TTN: variants seen among roughly 807,000 people sequenced by gnomAD.
TTN encodes titin, also known as connectin.
A neutral mutation model predicts 3,223.0 loss-of-function variants in TTN; 1,525 were observed. The observed-to-expected ratio is 0.47, with a 90% CI of 0.45 to 0.49. The LOEUF is 0.49. TTN is among the 20% of genes least tolerant of loss of function. The pLI is 0.00. For missense variants in TTN, 40,786 were observed against 43,424.0 expected, an observed-to-expected ratio of 0.94 and a Z score of 5.40; for synonymous variants, 14,094 against 15,161.0, an observed-to-expected ratio of 0.93 and a Z score of 5.17.
chr2:178,572,211 C>G lies in TTN; in HGVS notation c.73921G>C (p.Glu24641Gln). ...AGAATTCGGCTGCCTCCATCATGCT[C>G]TGGTTTCTCCCAAGAGAGTGACACA... Reference protein sequence around the residue: ...NSVSLSWEKPEHDGGSRILGY... With the variant: ...NSVSLSWEKPQHDGGSRILGY... Residue 24641 changes from glutamate to glutamine, a missense_variant, in exon 326 of 363, where the codon GAG (glutamate) becomes CAG (glutamine). Coordinates refer to ENST00000589042, the MANE Select transcript of TTN (RefSeq NM_001267550.2). The G allele has an allele frequency of 6.2e-6, 10 of 1,613,476 alleles. No homozygotes were observed. The highest frequency in any genetic ancestry group is 8.5e-6 in the Non-Finnish European group (10 of 1,179,624).
chr2:178,664,106 G>A lies in TTN; in HGVS notation c.36281-8C>T. ...CTTTGGGAGCTTCGTGCACTTGAAA[G>A]ATATTAGTATTTTTACACTCAGAAA... On this transcript the variant is annotated splice_polypyrimidine_tract_variant and splice_region_variant and intron_variant, in intron 168 of 362. Coordinates refer to ENST00000589042, the MANE Select transcript of TTN (RefSeq NM_001267550.2). 2 of 1,604,106 alleles carry A rather than the reference G, an allele frequency of 1.2e-6. No individual in the cohort carries two copies. Among genetic ancestry groups the A allele is most frequent in the Non-Finnish European group, 8.5e-7 (1 of 1,176,888 alleles).
Position 178,634,819 on chromosome 2 carries a change from G to A in TTN, c.42055C>T (p.Arg14019Cys), listed in dbSNP as rs763499817. 1.1e-5 allele frequency: 17 copies of A among 1,611,368 alleles called. No individual in the cohort carries two copies. Among genetic ancestry groups the A allele is most frequent in the South Asian group, 2.2e-5 (2 of 90,442 alleles). Reference protein sequence around the residue: ...TCEIKAEGGKRFLTLHKVKLD... With the variant: ...TCEIKAEGGKCFLTLHKVKLD... ...TTGACTTTGTGCAAAGTTAAGAAGCGTTTTCCACCTTCTGCTTTGATTTCA... is the reference window on the plus strand; with the variant it reads ...TTGACTTTGTGCAAAGTTAAGAAGCATTTTCCACCTTCTGCTTTGATTTCA... Residue 14019 changes from arginine to cysteine, a missense_variant, in exon 229 of 363, where the codon CGC becomes TGC. Arg to Cys is a radical substitution (Grantham distance 180, BLOSUM62 -3). Transcript: ENST00000589042. The surrounding 1 kb of genome is among the most constrained non-coding windows in gnomAD (Gnocchi z 4.6).
At chr2:178,650,101 A>T in intron 210 of TTN, 63 bp downstream of exon 210, 3 of 1,451,550 alleles carry the variant, frequency 2.1e-6, no homozygotes, top group Non-Finnish European at 1.9e-6. Flanking sequence ...GCCTTAAGGA[A>T]GATATATAGA....
At position 178,779,095 on chromosome 2, in the gene TTN, C is replaced by T. The variant is rs1554012145; in HGVS notation, c.3987G>A (p.Lys1329=). Residue 1329 remains lysine, a synonymous_variant, in exon 24 of 363, where the codon AAG becomes AAA. Transcript: ENST00000589042. ...LPKIAWYKDG[K]RIKHGERYQM... ...GGTATCTTTCTCCATGTTTGATGCG[C>T]TTGCCATCTTTGTACCAAGCAATCT... 6.2e-7 allele frequency: 1 copy of T among 1,613,752 alleles called. No homozygotes were observed. The highest frequency in any genetic ancestry group is 1.7e-5 in the Admixed American group (1 of 59,958).
Position 178,804,612 on chromosome 2 carries a change from G to C in TTN, c.31C>G (p.Pro11Ala). MTTQAPTFTQ[P>A]LQSVVVLEGS... ...TCCAGTACCACAACGCTTTGTAACG[G>C]CTGCGTAAACGTCGGTGCTTGAGTT... The change falls in exon 2 of 363, where the codon CCG (proline) becomes GCG (alanine). Residue 11 changes from proline (P) to alanine (A), a missense_variant. Physicochemically the swap from Pro to Ala is conservative, Grantham distance 27. Coordinates refer to ENST00000589042, the MANE Select transcript of TTN (RefSeq NM_001267550.2). 1.2e-6 allele frequency: 2 copies of C among 1,613,964 alleles called. No homozygotes were observed. Among genetic ancestry groups the C allele is most frequent in the South Asian group, 2.2e-5 (2 of 91,040 alleles).
chr2:178,774,195 GGGA>G lies in TTN; in HGVS notation c.7057+9_7057+11del. The G allele has an allele frequency of 6.2e-7, 1 of 1,614,034 alleles. No homozygotes were observed. The highest frequency in any genetic ancestry group is 8.5e-7 in the Non-Finnish European group (1 of 1,179,968). On this transcript the variant is annotated intron_variant, in intron 30 of 362. Coordinates refer to ENST00000589042, the MANE Select transcript of TTN (RefSeq NM_001267550.2). ...ATGCTCACTGCAGGCTGACAGGAAT[GGGA>G]GGACTTACGTTTCATCTTTAATTTA...
At position 178,634,282 on chromosome 2, in the gene TTN, G is replaced by A; in HGVS notation, c.42415+84C>T. Reference sequence around the variant, plus strand: ...AGTTAATTAGTGATGCATTATCACAGCTTTTAGAACTTGGCGTCCTATCTT... The same window carrying A: ...AGTTAATTAGTGATGCATTATCACAACTTTTAGAACTTGGCGTCCTATCTT... On this transcript the variant is annotated intron_variant, in intron 230 of 362. Coordinates refer to ENST00000589042, the MANE Select transcript of TTN (RefSeq NM_001267550.2). This position sits in a 1 kb window ranked among gnomAD's most constrained non-coding sequence, Gnocchi z 4.6. The A allele has an allele frequency of 1.3e-6, 2 of 1,530,182 alleles. No individual in the cohort carries two copies. Among genetic ancestry groups the A allele is most frequent in the South Asian group, 1.3e-5 (1 of 79,764 alleles). 94.8% of individuals were successfully genotyped at this position (1,530,182 alleles called of 1,614,324 possible).
At position 178,579,981 on chromosome 2, in the gene TTN, T is replaced by C; in HGVS notation, c.67306A>G (p.Ile22436Val). Residue 22436 changes from isoleucine to valine, a missense_variant, in exon 318 of 363, where the codon ATT (isoleucine) becomes GTT (valine). By Grantham distance (29) the Ile-to-Val change is conservative (BLOSUM62 3). Coordinates refer to ENST00000589042, the MANE Select transcript of TTN (RefSeq NM_001267550.2). ...TCACGAGTTTCACCGGGATCACCAA[T>C]GCCATACTCATTTTCAGCAAACACT... ...FRVFAENEYG[I>V]GDPGETRDAV... is the part of the protein sequence containing the mutation. 1 of 1,613,332 alleles carries C rather than the reference T, an allele frequency of 6.2e-7. No individual in the cohort carries two copies. The highest frequency in any genetic ancestry group is 8.5e-7 in the Non-Finnish European group (1 of 1,179,506).
At chr2:178,804,852 A>G (rs1314917542) in intron 1 of TTN, among the ~76,000 whole-genome samples, 197 bp from the exon 2 acceptor site, 1 of 152,186 alleles carries the variant, frequency 6.6e-6, no homozygotes, top group Admixed American at 6.5e-5. Context: ...CTTAAAGCCT[A>G]ACCCAAAGTA....
rs1310279322 is a variant in TTN, at chr2:178,641,271, T to TA, written c.40602dup (p.Lys13535Ter). ...GGTTTTTTAACTTTTTCTAGTTTTT[T>TA]AGGTTCTACTTTAGGTTCTTCTTCT... On this transcript the variant is annotated frameshift_variant, in exon 220 of 363. Transcript: ENST00000589042. LOFTEE classifies it high-confidence loss of function. 1 of 1,513,222 alleles carries TA rather than the reference T, an allele frequency of 6.6e-7. No individual in the cohort carries two copies. The highest frequency in any genetic ancestry group is 1.4e-5 in the African/African-American group (1 of 69,876). 93.7% of individuals were successfully genotyped at this position (1,513,222 alleles called of 1,614,324 possible).
chr2:178,718,352 C>G lies in TTN; in HGVS notation c.24754G>C (p.Asp8252His), dbSNP rs1173109154. ...ACAGACACCAGAGCTTCACAGATAT[C>G]TTGACCAGCCTCATTTTCTATCAGG... ...SCLIENEAGQDICEALVSVLE... is the reference protein window; with the variant it reads ...SCLIENEAGQHICEALVSVLE... The change falls in exon 85 of 363, where the codon GAT becomes CAT. Residue 8252 changes from aspartate to histidine, a missense_variant. By Grantham distance (81) the Asp-to-His change is moderately conservative (BLOSUM62 -1). Coordinates refer to ENST00000589042, the MANE Select transcript of TTN (RefSeq NM_001267550.2). 1.9e-6 allele frequency: 3 copies of G among 1,613,548 alleles called. No individual in the cohort carries two copies. In the East Asian group the frequency reaches 6.7e-5, roughly 36 times the overall value.
intron 113 of TTN, 103 bp from the exon 114 acceptor site, chr2:178,696,372 T>C: frequency 1.9e-6 from 2 of 1,041,034 alleles, no homozygotes; most frequent in South Asian, 2.2e-5. Context: ...TTCAGATCTA[T>C]TTTATTGATA....
In TTN at chr2:178,546,740, ATGG is replaced by A. The variant is rs1463215299; in HGVS notation, c.94685_94687del (p.Thr31562del). The A allele has an allele frequency of 1.9e-6, 3 of 1,613,762 alleles. No homozygotes were observed. In the Admixed American group the frequency reaches 5.0e-5, roughly 27 times the overall value. ...CACGGTGAAGAAATTGTCAGATACAATGGTGTAGTTGCACTTCAGCCAGCGACC... is the reference window on the plus strand; with the variant it reads ...CACGGTGAAGAAATTGTCAGATACAATGTAGTTGCACTTCAGCCAGCGACC... On this transcript the variant is annotated inframe_deletion, in exon 341 of 363. Coordinates refer to ENST00000589042, the MANE Select transcript of TTN (RefSeq NM_001267550.2).
Position 178,579,015 on chromosome 2 carries a change from C to T in TTN, c.68015G>A (p.Gly22672Glu). 1 of 1,613,232 alleles carries T rather than the reference C, an allele frequency of 6.2e-7. No individual in the cohort carries two copies. The highest frequency in any genetic ancestry group is 1.1e-5 in the South Asian group (1 of 91,066). Residue 22672 changes from glycine to glutamate, a missense_variant, in exon 320 of 363, where the codon GGA (glycine) becomes GAA (glutamate). Physicochemically the swap from Gly to Glu is moderately conservative, Grantham distance 98. Coordinates refer to ENST00000589042, the MANE Select transcript of TTN (RefSeq NM_001267550.2). ...GATATAGTTGGTGATTTCAGAACCT[C>T]CATCATCCTTTGGAGGAGCCCACTT... The part of the protein sequence containing the change: ...TLKWAPPKDD[G>E]GSEITNYILE...
rs1349052536 is a variant in TTN at position 178,535,963 on chromosome 2, ATAAT to A, written c.100765+15_100765+18del. On this transcript the variant is annotated intron_variant, in intron 357 of 362. Coordinates refer to ENST00000589042, the MANE Select transcript of TTN (RefSeq NM_001267550.2). ...TAACTCATTTAGCCTCAACTTGATG[ATAAT>A]TTATTTATTTTTACCTTCCACTTCC... The A allele has an allele frequency of 3.9e-6, 6 of 1,523,570 alleles. No individual in the cohort carries two copies. The African/African-American group carries it at 5.6e-5, about 14-fold the overall frequency. The allele number at this position is 1,523,570 out of a possible 1,614,324, so 94.4% of individuals were successfully genotyped here.
chr2:178,720,425 C>G lies in TTN; in HGVS notation c.23337G>C (p.Glu7779Asp). 1.2e-6 allele frequency: 2 copies of G among 1,613,546 alleles called. No homozygotes were observed. Among genetic ancestry groups the G allele is most frequent in the East Asian group, 4.5e-5 (2 of 44,872 alleles). ...VGEYHCKATN[E>D]VGSDTCSCSV... ...AGCAAGAACACGTGTCACTTCCCAC[C>G]TCATTAGTAGCTTTGCAGTGATATT... Residue 7779 changes from glutamate (E) to aspartate (D), a missense_variant, in exon 80 of 363, where the codon GAG (glutamate) becomes GAC (aspartate). Physicochemically the swap from Glu to Asp is conservative, Grantham distance 45 (BLOSUM62 2). Transcript: ENST00000589042.
chr2:178,726,951 A>T, intron 69 of TTN, 139 bp downstream of exon 69: 1 of 878,226 alleles, frequency 1.1e-6, no homozygotes, highest in Non-Finnish European at 1.5e-6. Context: ...CCATCTAAAA[A>T]GGGAAATAAT....
chr2:178,654,596 TA>T, intron 191 of TTN, 62 bp from the exon 192 acceptor site: 1 of 1,352,850 alleles, frequency 7.4e-7, no homozygotes, highest in African/African-American at 1.7e-5. Flanking sequence ...CTTTTGCATA[TA>T]AACACCCACC....
In TTN at chr2:178,636,450, A is replaced by C; in HGVS notation, c.41277T>G (p.Val13759=). 6.2e-7 allele frequency: 1 copy of C among 1,612,628 alleles called. No individual in the cohort carries two copies. Among genetic ancestry groups the C allele is most frequent in the Non-Finnish European group, 8.5e-7 (1 of 1,179,218 alleles). Residue 13759 remains valine, a synonymous_variant, in exon 225 of 363, where the codon GTT becomes GTG. Coordinates refer to ENST00000589042, the MANE Select transcript of TTN (RefSeq NM_001267550.2). The surrounding 1 kb of genome is among the most constrained non-coding windows in gnomAD (Gnocchi z 4.3). ...TCTTTTCTTTGTTTCCCAAACGTAA[A>C]ACACAGGTGTATTCACCAGCATCGG... ...QLSDAGEYTC[V]LRLGNKEKTS...
Sources: allele counts gnomAD v4.1 joint callset (sites outside exome capture counted in the v4.1 genomes callset), GRCh38; gene constraint gnomAD v4.1.1; non-coding constraint Gnocchi (gnomAD v3.1); transcripts MANE v1.5; gene names NCBI Gene and HGNC (gene_info 2026-07-23, HGNC 2026-07-21).